The following ADARB2 variants were observed in gnomAD, a reference collection of about 807,000 sequenced individuals.
ADARB2 encodes adenosine deaminase RNA specific B2 (inactive).
ADARB2 carries 25 observed loss-of-function variants against 62.2 expected under a neutral mutation model. The ratio of observed to expected loss-of-function variants is 0.40; its 90% CI spans 0.29 to 0.56. ADARB2 has a LOEUF of 0.56. Ranked by LOEUF, ADARB2 falls within the 20% of genes least tolerant of loss-of-function variation. ADARB2 has a pLI of 0.43. For synonymous variants in ADARB2, 572 were observed against 500.8 expected, an observed-to-expected ratio of 1.14 and a Z score of -1.90; for missense variants, 1,071 against 1,077.4, an observed-to-expected ratio of 0.99 and a Z score of 0.08.
At chr10:1,362,978 C>G (rs771841385) in intron 3 of ADARB2, 50 bp downstream of exon 3, 30 of 1,276,868 alleles carry the variant, frequency 2.3e-5, no homozygotes, top group African/African-American at 3.1e-5. Context: ...CGGGGTCTCC[C>G]CCGCGCCCCC....
In ADARB2 at chr10:1,556,178, C is replaced by T. The variant is rs77862702; in HGVS notation, c.101-177018G>A. Among the ~76,000 whole-genome samples the T allele has an allele frequency of 5.3e-3, 802 of 152,116 alleles. 13 individuals carry two copies. Among genetic ancestry groups the T allele is most frequent in the African/African-American group, 0.018 (758 of 41,498 alleles). On this transcript the variant is annotated intron_variant, in intron 1 of 9. Coordinates refer to ENST00000381312, the MANE Select transcript of ADARB2 (RefSeq NM_018702.4). ...TTCCCGTGGCTGGGAAACGAGGACA[C>T]GGCTTCAGGGCTCCATGGCTTCCTT...
chr10:1,670,742 T>A (rs982673809), intron 1 of ADARB2, among the ~76,000 whole-genome samples: 1 of 152,086 alleles, frequency 6.6e-6, no homozygotes, highest in Non-Finnish European at 1.5e-5. Flanking sequence ...GGGCACACAG[T>A]GGGGCCAACA....
chr10:1,516,314 A>G (rs1218953371), intron 1 of ADARB2, among the ~76,000 whole-genome samples: 1 of 152,200 alleles, frequency 6.6e-6, no homozygotes, highest in Non-Finnish European at 1.5e-5. Context: ...GAGCTCTGAC[A>G]GGTGTGTTTA....
At chr10:1,585,058 C>T (rs533333241) in intron 1 of ADARB2, among the ~76,000 whole-genome samples, 1 of 152,042 alleles carries the variant, frequency 6.6e-6, no homozygotes, top group South Asian at 2.1e-4. Flanking sequence ...TTGTCTACAC[C>T]CACAGAATGT....
chr10:1,458,209 C>T (rs1057446431), intron 1 of ADARB2, among the ~76,000 whole-genome samples: 30 of 152,104 alleles, frequency 2.0e-4, no homozygotes, highest in African/African-American at 2.9e-4. Flanking sequence ...TGGAGGTCTC[C>T]GCAGGAAGAA....
At chr10:1,371,634 G>T (rs545243953) in intron 2 of ADARB2, among the ~76,000 whole-genome samples, 8 of 151,940 alleles carry the variant, frequency 5.3e-5, no homozygotes, top group Admixed American at 5.2e-4. Context: ...CAAAAAATTG[G>T]GCAAAGGGCA....
At chr10:1,597,523 AC>A in intron 1 of ADARB2, among the ~76,000 whole-genome samples, 1 of 152,248 alleles carries the variant, frequency 6.6e-6, no homozygotes, top group South Asian at 2.1e-4. Flanking sequence ...AAAATGCTTA[AC>A]CATCATCACT....
chr10:1,682,749 C>T (rs192069206), intron 1 of ADARB2, among the ~76,000 whole-genome samples: 123 of 152,322 alleles, frequency 8.1e-4, no homozygotes, highest in Admixed American at 1.7e-3. Context: ...GGGTTGAGAA[C>T]ATTACGGTGA....
intron 1 of ADARB2, among the ~76,000 whole-genome samples, chr10:1,567,180 C>A (rs1200427528): frequency 6.7e-6 from 1 of 149,734 alleles, no homozygotes; most frequent in African/African-American, 2.5e-5. Context: ...TGTGGGTCCT[C>A]CCCCCACCGA....
At chr10:1,385,217 G>A (rs1056347680) in intron 1 of ADARB2, among the ~76,000 whole-genome samples, 6 of 152,128 alleles carry the variant, frequency 3.9e-5, no homozygotes, top group East Asian at 1.9e-4. Flanking sequence ...TATCCACAAA[G>A]CCCAGCAAAT....
intron 6 of ADARB2, among the ~76,000 whole-genome samples, chr10:1,227,197 C>G (rs1202950411): frequency 1.3e-5 from 2 of 152,222 alleles, no homozygotes; most frequent in South Asian, 2.1e-4. Flanking sequence ...GGTGTAGGAC[C>G]CTCCGAGCCA....
chr10:1,515,902 C>A (rs1437860525), intron 1 of ADARB2, among the ~76,000 whole-genome samples: 1 of 152,338 alleles, frequency 6.6e-6, no homozygotes, highest in East Asian at 1.9e-4. Flanking sequence ...TGTGACAGTG[C>A]CACTATCACC....
At chr10:1,483,476 C>T (rs771199110) in intron 1 of ADARB2, among the ~76,000 whole-genome samples, 2 of 152,142 alleles carry the variant, frequency 1.3e-5, no homozygotes, top group African/African-American at 4.8e-5. Context: ...TGCAGATGTT[C>T]ACGGAAAACA....
At chr10:1,684,924 T>TC (rs1834580508) in intron 1 of ADARB2, among the ~76,000 whole-genome samples, 1 of 152,090 alleles carries the variant, frequency 6.6e-6, no homozygotes, top group Non-Finnish European at 1.5e-5. Flanking sequence ...TAGTGCAAGT[T>TC]CCGAGTGGGG....
chr10:1,231,867 G>A (rs1313195692), intron 6 of ADARB2, among the ~76,000 whole-genome samples: 2 of 152,144 alleles, frequency 1.3e-5, no homozygotes, highest in Non-Finnish European at 2.9e-5. Flanking sequence ...CCCATGTGAG[G>A]ACTGCAGAAT....
intron 1 of ADARB2, among the ~76,000 whole-genome samples, chr10:1,674,199 A>T (rs2119107836): frequency 6.6e-6 from 1 of 152,340 alleles, no homozygotes; most frequent in African/African-American, 2.4e-5. Context: ...TTCAGAAAAA[A>T]ATATTCTTTG....
Position 1,200,012 on chromosome 10 carries a change from G to C in ADARB2, c.1818C>G (p.Val606=). The part of the protein sequence containing the change: ...ARVMSHRMEG[V]GQLPASYRHN... ...GCCGGTAGGAGGCGGGCAGCTGGCC[G>C]ACACCCTCCATGCGGTGGCTCATGA... The change falls in exon 8 of 10, where the codon GTC becomes GTG. Residue 606 remains valine (V), a synonymous_variant. Coordinates refer to ENST00000381312, the MANE Select transcript of ADARB2 (RefSeq NM_018702.4). 6.3e-7 allele frequency: 1 copy of C among 1,581,582 alleles called. No individual in the cohort carries two copies. Among genetic ancestry groups the C allele is most frequent in the Non-Finnish European group, 8.6e-7 (1 of 1,167,184 alleles).
At chr10:1,473,376 T>G (rs1421180401) in intron 1 of ADARB2, among the ~76,000 whole-genome samples, 2 of 152,090 alleles carry the variant, frequency 1.3e-5, no homozygotes, top group Non-Finnish European at 2.9e-5. Flanking sequence ...TTGTTGTTGT[T>G]GTTGTTTTGT....
intron 8 of ADARB2, among the ~76,000 whole-genome samples, chr10:1,190,506 T>C (rs1215327142): frequency 6.6e-6 from 1 of 152,206 alleles, no homozygotes; most frequent in African/African-American, 2.4e-5. Context: ...TTGCTACATG[T>C]GTTGGCTTAA....
Sources: gnomAD v4.1 joint callset for allele counts (sites outside exome capture counted in the v4.1 genomes callset) on GRCh38, gnomAD v4.1.1 for gene constraint, MANE v1.5 for transcripts, NCBI Gene and HGNC (gene_info 2026-07-23, HGNC 2026-07-21) for gene names.